The following ARSJ variants were observed in gnomAD, a reference collection of about 807,000 sequenced individuals.
ARSJ encodes arylsulfatase J.
A neutral mutation model predicts 35.9 loss-of-function variants in ARSJ; 26 were observed. That is an observed-to-expected ratio of 0.72 (90% confidence interval 0.53 to 1.00). The LOEUF (loss-of-function observed/expected upper bound fraction) is 1.00. ARSJ is among the 50% of genes least tolerant of loss of function. The pLI is 0.00. For synonymous variants in ARSJ, 294 were observed against 267.6 expected (o/e 1.10, Z -0.96); for missense variants, 667 against 723.6 (o/e 0.92, Z 0.90).
At chr4:113,967,482 A>C (rs1726966691) in intron 1 of ARSJ, among the ~76,000 whole-genome samples, 1 of 152,162 alleles carries the variant, frequency 6.6e-6, no homozygotes, top group Non-Finnish European at 1.5e-5. Context: ...ATAAGATAAG[A>C]AAGAATGGTC....
rs186460496 is a variant in ARSJ at position 113,908,844 on chromosome 4, C to T, written c.399-5169G>A. On this transcript the variant is annotated intron_variant, in intron 1 of 1. Coordinates refer to ENST00000315366, the MANE Select transcript of ARSJ (RefSeq NM_024590.4). Reference sequence around the variant, plus strand: ...TTCTTTTTGCATCCCAATGAATCATCTTGCATTACCCTTTGGTGTATGTAT... The same window carrying T: ...TTCTTTTTGCATCCCAATGAATCATTTTGCATTACCCTTTGGTGTATGTAT... 5.3e-5 allele frequency among the ~76,000 whole-genome samples: 8 copies of T among 152,232 alleles called. No individual in the cohort carries two copies. In the East Asian group the frequency reaches 9.6e-4, roughly 18 times the overall value.
chr4:113,951,559 G>A (rs1045403806), intron 1 of ARSJ, among the ~76,000 whole-genome samples: 3 of 152,012 alleles, frequency 2.0e-5, no homozygotes, highest in Non-Finnish European at 2.9e-5. Flanking sequence ...GTTGGCACAC[G>A]GTGAACTTGC....
intron 1 of ARSJ, among the ~76,000 whole-genome samples, chr4:113,922,308 G>T (rs911950478): frequency 1.3e-5 from 2 of 152,120 alleles, no homozygotes; most frequent in African/African-American, 4.8e-5. Flanking sequence ...CTAAGAGTTT[G>T]TAATCAACAA....
In ARSJ at chr4:113,903,594, T is replaced by A. The variant is rs573115351; in HGVS notation, c.480A>T (p.Leu160=). The change falls in exon 2 of 2, where the codon CTA becomes CTT. Residue 160 remains leucine (L), a synonymous_variant. Coordinates refer to ENST00000315366, the MANE Select transcript of ARSJ (RefSeq NM_024590.4). ...PNCLPLDNAT[L]PQKLKEVGYS... is the part of the protein sequence containing the mutation. ...ATCCAACCTCCTTCAGTTTCTGAGG[T>A]AGGGTGGCATTGTCCAGAGGTAAAC... is the stretch of plus-strand genomic sequence containing the variant. 1 of 1,614,148 alleles carries A rather than the reference T, an allele frequency of 6.2e-7. No homozygotes were observed. Among genetic ancestry groups the A allele is most frequent in the South Asian group, 1.1e-5 (1 of 91,078 alleles).
chr4:113,917,785 T>A (rs1723410591), intron 1 of ARSJ, among the ~76,000 whole-genome samples: 1 of 152,160 alleles, frequency 6.6e-6, no homozygotes, highest in South Asian at 2.1e-4. Context: ...TTACTTTGAA[T>A]TGTTATCCTG....
chr4:113,954,104 C>A (rs1254084169), intron 1 of ARSJ, among the ~76,000 whole-genome samples: 2 of 151,916 alleles, frequency 1.3e-5, no homozygotes, highest in African/African-American at 4.8e-5. Context: ...TATGTTAGGT[C>A]TTCTGATGGG....
In ARSJ at chr4:113,903,036, T is replaced by G. The variant is rs1389971817; in HGVS notation, c.1038A>C (p.Gly346=). 1.9e-6 allele frequency: 3 copies of G among 1,614,078 alleles called. No individual in the cohort carries two copies. The Admixed American group carries it at 5.0e-5, about 27-fold the overall frequency. Residue 346 remains glycine, a synonymous_variant, in exon 2 of 2, where the codon GGA becomes GGC. Transcript: ENST00000315366. Reference sequence around the variant, plus strand: ...CCCGGATCCCTCCTTCCCAATATGTTCCTTTGCTACCTCTGAGAGGCCAGT... The same window carrying G: ...CCCGGATCCCTCCTTCCCAATATGTGCCTTTGCTACCTCTGAGAGGCCAGT... ...GSNWPLRGSK[G]TYWEGGIRAV...
chr4:113,968,982 C>T (rs1416947814), intron 1 of ARSJ, among the ~76,000 whole-genome samples: 1 of 151,992 alleles, frequency 6.6e-6, no homozygotes, highest in Non-Finnish European at 1.5e-5. Context: ...AGTTGTAGCC[C>T]CAGGGGTGAG....
intron 1 of ARSJ, among the ~76,000 whole-genome samples, chr4:113,967,822 T>C (rs536890122): frequency 4.6e-5 from 7 of 152,298 alleles, no homozygotes; most frequent in Middle Eastern, 3.4e-3. Flanking sequence ...TTTTAAGCTA[T>C]TGTACTAACA....
At chr4:113,933,657 G>A (rs1036734956) in intron 1 of ARSJ, among the ~76,000 whole-genome samples, 11 of 151,774 alleles carry the variant, frequency 7.2e-5, no homozygotes, top group Admixed American at 3.3e-4. Flanking sequence ...AATAGATGCC[G>A]AAAAAGCTTC....
chr4:113,961,209 C>T (rs1726518477), intron 1 of ARSJ, among the ~76,000 whole-genome samples: 1 of 152,020 alleles, frequency 6.6e-6, no homozygotes, highest in South Asian at 2.1e-4. Context: ...TACCCAACAA[C>T]ATAACCTGGG....
At chr4:113,949,469 C>T (rs545510947) in intron 1 of ARSJ, among the ~76,000 whole-genome samples, 18 of 151,996 alleles carry the variant, frequency 1.2e-4, no homozygotes, top group African/African-American at 3.9e-4. Flanking sequence ...TCATCAAAGG[C>T]GGTAAAAAAA....
At chr4:113,936,577 A>G (rs529062879) in intron 1 of ARSJ, among the ~76,000 whole-genome samples, 1 of 152,062 alleles carries the variant, frequency 6.6e-6, no homozygotes, top group Admixed American at 6.6e-5. Flanking sequence ...AAAAAAATTT[A>G]GTTCTACTTT....
intron 1 of ARSJ, among the ~76,000 whole-genome samples, chr4:113,909,737 C>A (rs2099669859): frequency 6.6e-6 from 1 of 152,102 alleles, no homozygotes; most frequent in African/African-American, 2.4e-5. Flanking sequence ...TTATAAAGTA[C>A]CCAGCCTCAG....
At chr4:113,936,369 AG>A (rs1724768500) in intron 1 of ARSJ, among the ~76,000 whole-genome samples, 1 of 151,994 alleles carries the variant, frequency 6.6e-6, no homozygotes, top group Admixed American at 6.6e-5. Context: ...ACTAAAAACC[AG>A]AAAAAGAATA....
intron 1 of ARSJ, among the ~76,000 whole-genome samples, chr4:113,936,838 G>C (rs1163143078): frequency 3.3e-5 from 5 of 151,770 alleles, no homozygotes; most frequent in Non-Finnish European, 5.9e-5. Flanking sequence ...AATCACCTCT[G>C]AGAATACAAT....
rs1594367761 is a variant in ARSJ at position 113,901,607 on chromosome 4, G to A, written c.*667C>T. The A allele has an allele frequency of 6.5e-6, 1 of 152,706 alleles. No individual in the cohort carries two copies. Among genetic ancestry groups the A allele is most frequent in the East Asian group, 1.9e-4 (1 of 5,184 alleles). The allele number at this position is 152,706 out of a possible 1,614,324, so 9.5% of individuals were successfully genotyped here. On this transcript the variant is annotated 3_prime_UTR_variant, in exon 2 of 2. Coordinates refer to ENST00000315366, the MANE Select transcript of ARSJ (RefSeq NM_024590.4). ...AAAATAGTTACATTCATTGTGGGCA[G>A]TGTGCTCAAACATTCTTATTTGCCA...
intron 1 of ARSJ, among the ~76,000 whole-genome samples, chr4:113,923,277 T>C (rs913063279): frequency 6.6e-6 from 1 of 152,192 alleles, no homozygotes; most frequent in Non-Finnish European, 1.5e-5. Flanking sequence ...TAATAAAAGA[T>C]GCCTTTAAAG....
At chr4:113,918,326 A>T (rs1723449209) in intron 1 of ARSJ, among the ~76,000 whole-genome samples, 1 of 152,106 alleles carries the variant, frequency 6.6e-6, no homozygotes, top group Non-Finnish European at 1.5e-5. Context: ...TTTTCTCAGT[A>T]CTCATCTTTT....
Sources: gnomAD v4.1 joint callset for allele counts (sites outside exome capture counted in the v4.1 genomes callset) on GRCh38, gnomAD v4.1.1 for gene constraint, MANE v1.5 for transcripts, NCBI Gene and HGNC (gene_info 2026-07-23, HGNC 2026-07-21) for gene names.